Variants in NT5DC1 observed in about 807,000 individuals in gnomAD.
NT5DC1 encodes the protein 5'-nucleotidase domain containing 1, also known as 5'-nucleotidase domain-containing protein 1.
A neutral mutation model predicts 59.4 loss-of-function variants in NT5DC1; 42 were observed. The ratio of observed to expected loss-of-function variants is 0.71; its 90% CI spans 0.55 to 0.92. The LOEUF is 0.92. Among genes scored for constraint, NT5DC1 ranks in the 40% least tolerant of loss-of-function variants. The probability of loss-of-function intolerance (pLI) is 0.00; values close to 1 mark genes in which losing one functional copy is unlikely to be tolerated. For missense variants in NT5DC1, 501 were observed against 537.1 expected, an observed-to-expected ratio of 0.93 and a Z score of 0.66; for synonymous variants, 172 against 188.1, an observed-to-expected ratio of 0.91 and a Z score of 0.70.
intron 1 of NT5DC1, among the ~76,000 whole-genome samples, chr6:116,103,599 A>G (rs1376127097): frequency 1.3e-5 from 2 of 152,108 alleles, no homozygotes; most frequent in East Asian, 3.9e-4. Context: ...GGGTGCAAGC[A>G]AAAGGTGGCA....
intron 6 of NT5DC1, among the ~76,000 whole-genome samples, chr6:116,218,974 A>C (rs1781740361): frequency 6.6e-6 from 1 of 152,134 alleles, no homozygotes; most frequent in Non-Finnish European, 1.5e-5. Context: ...TGGTGGTTAG[A>C]GTTAGTCAGT....
intron 6 of NT5DC1, among the ~76,000 whole-genome samples, chr6:116,202,545 T>C (rs1336577338): frequency 6.6e-6 from 1 of 152,004 alleles, no homozygotes; most frequent in Non-Finnish European, 1.5e-5. Flanking sequence ...AAACAAAGGC[T>C]ATTTTCTTTT....
intron 6 of NT5DC1, among the ~76,000 whole-genome samples, chr6:116,214,704 T>C (rs1176862049): frequency 1.3e-5 from 2 of 152,062 alleles, no homozygotes; most frequent in African/African-American, 2.4e-5. Context: ...TTTTGAAATA[T>C]CATATTCAAA....
At chr6:116,208,186 A>G (rs1781497884) in intron 6 of NT5DC1, among the ~76,000 whole-genome samples, 2 of 152,068 alleles carry the variant, frequency 1.3e-5, no homozygotes, top group African/African-American at 4.8e-5. Context: ...AGAGAAGTCA[A>G]CTGTAACTTT....
At chr6:116,152,441 T>C (rs754115527) in intron 6 of NT5DC1, among the ~76,000 whole-genome samples, 1 of 152,134 alleles carries the variant, frequency 6.6e-6, no homozygotes, top group Non-Finnish European at 1.5e-5. Context: ...TTTGAACTCC[T>C]GTGTCCTCTA....
chr6:116,189,416 T>A lies in NT5DC1; in HGVS notation c.530-31638T>A, dbSNP rs999677846. On this transcript the variant is annotated intron_variant, in intron 6 of 11. Transcript: ENST00000319550. ...TCTTCGTAGTCTTGACATTTTATTC[T>A]GATTTTCTTTAGCTTGGGATACTTA... is the stretch of plus-strand genomic sequence containing the variant. Among the ~76,000 whole-genome samples, 16 of 151,986 alleles carry A rather than the reference T, an allele frequency of 1.1e-4. No individual in the cohort carries two copies. In the East Asian group the frequency reaches 2.9e-3, roughly 28 times the overall value.
At chr6:116,122,018 GA>G (rs908012894) in intron 6 of NT5DC1, 17 of 1,422,210 alleles carry the variant, frequency 1.2e-5, no homozygotes, top group Non-Finnish European at 1.7e-5. Flanking sequence ...TGACATTAAA[GA>G]GAATCATTGC....
intron 6 of NT5DC1, among the ~76,000 whole-genome samples, chr6:116,181,063 ATTTAC>A (rs138741779): frequency 0.04 from 6,133 of 152,090 alleles, 187 homozygotes; most frequent in African/African-American, 0.083. Flanking sequence ...GGTATCTTGA[ATTTAC>A]TTTAAGACAA....
At chr6:116,242,805 C>T (rs1771762921) in intron 11 of NT5DC1, among the ~76,000 whole-genome samples, 1 of 152,190 alleles carries the variant, frequency 6.6e-6, no homozygotes, top group Non-Finnish European at 1.5e-5. Flanking sequence ...AGGAGACAAC[C>T]AGCAGAGTCC....
intron 11 of NT5DC1, among the ~76,000 whole-genome samples, chr6:116,240,793 G>C (rs1236087937): frequency 6.6e-6 from 1 of 152,200 alleles, no homozygotes; most frequent in Non-Finnish European, 1.5e-5. Flanking sequence ...ATTGCTGAAA[G>C]AAAATGATGT....
In NT5DC1 at chr6:116,248,251, A is replaced by G. The variant is rs1408929423; in HGVS notation, c.*4227A>G. 6.6e-6 allele frequency: 1 copy of G among 152,208 alleles called. No homozygotes were observed. The allele number at this position is 152,208 out of a possible 1,614,324, so 9.4% of individuals were successfully genotyped here. ...TACTTTCTGGACCTCTGTTTTCTCA[A>G]CTATTTAAATGGAAATAATAAAACT... On this transcript the variant is annotated 3_prime_UTR_variant, in exon 12 of 12. Coordinates refer to ENST00000319550, the MANE Select transcript of NT5DC1 (RefSeq NM_152729.3).
intron 6 of NT5DC1, among the ~76,000 whole-genome samples, chr6:116,154,817 C>T (rs1780143433): frequency 6.6e-6 from 1 of 152,156 alleles, no homozygotes; most frequent in African/African-American, 2.4e-5. Context: ...TTAGCAGAGG[C>T]ATCTTGTTAC....
intron 6 of NT5DC1, among the ~76,000 whole-genome samples, chr6:116,157,264 C>T (rs1276248892): frequency 6.6e-6 from 1 of 152,102 alleles, no homozygotes; most frequent in Non-Finnish European, 1.5e-5. Context: ...AATTACAGTG[C>T]TCTGAGTTTC....
At chr6:116,161,824 A>G (rs995820553) in intron 6 of NT5DC1, among the ~76,000 whole-genome samples, 2 of 152,222 alleles carry the variant, frequency 1.3e-5, no homozygotes, top group African/African-American at 4.8e-5. Flanking sequence ...TGGGCAGTAT[A>G]GTCATTTTAA....
chr6:116,194,058 C>A (rs547467578), intron 6 of NT5DC1, among the ~76,000 whole-genome samples: 3 of 151,664 alleles, frequency 2.0e-5, no homozygotes, highest in Admixed American at 1.3e-4. Flanking sequence ...ACAACAACAA[C>A]AACAAAAGAA....
At chr6:116,181,449 A>G (rs762222024) in intron 6 of NT5DC1, among the ~76,000 whole-genome samples, 1 of 152,060 alleles carries the variant, frequency 6.6e-6, no homozygotes, top group Admixed American at 6.6e-5. Flanking sequence ...AATTAATAAA[A>G]CCCAGCATCT....
intron 8 of NT5DC1, among the ~76,000 whole-genome samples, chr6:116,234,511 T>G (rs1562176134): frequency 6.6e-6 from 1 of 151,940 alleles, no homozygotes; most frequent in Non-Finnish European, 1.5e-5. Context: ...AGTGAATTTG[T>G]GTAGTTTTTG....
At position 116,120,642 on chromosome 6, in the gene NT5DC1, G is replaced by A; in HGVS notation, c.529+2697G>A. 3 of 1,548,300 alleles carry A rather than the reference G, an allele frequency of 1.9e-6. No homozygotes were observed. Among genetic ancestry groups the A allele is most frequent in the Non-Finnish European group, 2.6e-6 (3 of 1,155,458 alleles). On this transcript the variant is annotated intron_variant, in intron 6 of 11. Coordinates refer to ENST00000319550, the MANE Select transcript of NT5DC1 (RefSeq NM_152729.3). ...TGGCCTCTTGGACCTGGAGGCCCTG[G>A]TGGCCCGGTGGGTCCATTGAGGCCC...
intron 6 of NT5DC1, among the ~76,000 whole-genome samples, chr6:116,165,648 C>T (rs1407438455): frequency 1.3e-5 from 2 of 152,226 alleles, no homozygotes; most frequent in African/African-American, 4.8e-5. Context: ...CTGTTACCAA[C>T]CACCAGTACC....
Sources: gnomAD v4.1 joint callset for allele counts (sites outside exome capture counted in the v4.1 genomes callset) on GRCh38, gnomAD v4.1.1 for gene constraint, MANE v1.5 for transcripts, NCBI Gene and HGNC (gene_info 2026-07-23, HGNC 2026-07-21) for gene names.